Variants in CCDC149 observed in about 807,000 individuals in gnomAD.
CCDC149 encodes the protein coiled-coil domain containing 149, also known as coiled-coil domain-containing protein 149.
CCDC149 carries 45 observed loss-of-function variants against 59.9 expected under a neutral mutation model. The ratio of observed to expected loss-of-function variants is 0.75; its 90% CI spans 0.59 to 0.96. CCDC149 has a LOEUF of 0.96. CCDC149 is among the 40% of genes least tolerant of loss of function. CCDC149 has a pLI of 0.00. For missense variants in CCDC149, 584 were observed against 664.7 expected, an observed-to-expected ratio of 0.88 and a Z score of 1.33; for synonymous variants, 245 against 260.6, an observed-to-expected ratio of 0.94 and a Z score of 0.58.
intron 1 of CCDC149, among the ~76,000 whole-genome samples, chr4:24,945,724 C>T (rs548689736): frequency 2.0e-5 from 3 of 151,536 alleles, no homozygotes; most frequent in African/African-American, 7.3e-5. Flanking sequence ...CAGGTTCAAG[C>T]GATTCTCCTG....
intron 12 of CCDC149, among the ~76,000 whole-genome samples, chr4:24,812,671 G>A (rs1179296068): frequency 6.6e-6 from 1 of 152,198 alleles, no homozygotes; most frequent in Non-Finnish European, 1.5e-5. Flanking sequence ...ACCCAAGACT[G>A]GGTAATTTAT....
Position 24,874,360 on chromosome 4 carries a change from C to CA in CCDC149, c.226-642dup, listed in dbSNP as rs1232592265. 1.3e-4 allele frequency among the ~76,000 whole-genome samples: 19 copies of CA among 146,508 alleles called. No homozygotes were observed. In the Admixed American group the frequency reaches 1.3e-3, roughly 10 times the overall value. ...CTTTGGGAGGCCAAGGTGGGCAGGT[C>CA]ACTTGAGGCCAGGAGTTCAAGACCA... On this transcript the variant is annotated intron_variant, in intron 2 of 12. Transcript: ENST00000635206.
intron 3 of CCDC149, among the ~76,000 whole-genome samples, chr4:24,858,868 A>G (rs1718196823): frequency 1.3e-5 from 2 of 152,172 alleles, no homozygotes; most frequent in Admixed American, 6.5e-5. Flanking sequence ...ATCCTCACCG[A>G]GGTAGGTTAG....
intron 3 of CCDC149, among the ~76,000 whole-genome samples, chr4:24,872,448 C>G (rs188913008): frequency 1.4e-4 from 21 of 152,152 alleles, no homozygotes; most frequent in Non-Finnish European, 1.5e-4. Flanking sequence ...ATGGCATTTA[C>G]CCGCCAAATG....
At chr4:24,871,367 G>A (rs1450660840) in intron 3 of CCDC149, among the ~76,000 whole-genome samples, 1 of 152,154 alleles carries the variant, frequency 6.6e-6, no homozygotes, top group Non-Finnish European at 1.5e-5. Context: ...CAGGATGCTG[G>A]GTTAGCCACG....
chr4:24,978,236 A>G (rs929707586), intron 1 of CCDC149, among the ~76,000 whole-genome samples: 1 of 152,274 alleles, frequency 6.6e-6, no homozygotes, highest in Non-Finnish European at 1.5e-5. Context: ...CTGAGCTGAA[A>G]TGTGCTGTAA....
chr4:24,970,122 T>C (rs558158176), intron 1 of CCDC149, among the ~76,000 whole-genome samples: 1 of 152,296 alleles, frequency 6.6e-6, no homozygotes, highest in East Asian at 1.9e-4. Flanking sequence ...TTAGCCTATA[T>C]TTTGCCTGAG....
downstream of CCDC149, among the ~76,000 whole-genome samples, chr4:24,805,591 A>T (rs577527545): frequency 4.5e-4 from 69 of 152,308 alleles, 1 homozygote; most frequent in African/African-American, 1.6e-3. Flanking sequence ...TTCAGTTCTT[A>T]AGGGTGAATC....
At chr4:24,943,001 C>A (rs1430610781) in intron 1 of CCDC149, among the ~76,000 whole-genome samples, 1 of 151,220 alleles carries the variant, frequency 6.6e-6, no homozygotes, top group East Asian at 1.9e-4. Context: ...CAATGCCATC[C>A]CCATCAAGCT....
At chr4:24,916,563 T>C (rs900951968), upstream of CCDC149, among the ~76,000 whole-genome samples, 6 of 152,154 alleles carry the variant, frequency 3.9e-5, no homozygotes, top group African/African-American at 1.4e-4. Flanking sequence ...CCAGACAGTA[T>C]TTCAGTTCAA....
intron 1 of CCDC149, among the ~76,000 whole-genome samples, chr4:24,904,836 G>A (rs1008173902): frequency 6.6e-6 from 1 of 152,110 alleles, no homozygotes; most frequent in Admixed American, 6.5e-5. Context: ...CTCTTCTTCA[G>A]TGCAGGGTTT....
At chr4:24,912,408 C>A (rs1233011073) in intron 1 of CCDC149, among the ~76,000 whole-genome samples, 1 of 152,152 alleles carries the variant, frequency 6.6e-6, no homozygotes, top group Non-Finnish European at 1.5e-5. Context: ...CAGGTTCCAC[C>A]CCAGGGCTCG....
intron 9 of CCDC149, 126 bp from the exon 10 acceptor site, chr4:24,822,699 T>C (rs1715489017): frequency 3.4e-6 from 2 of 588,600 alleles, no homozygotes; most frequent in Admixed American, 7.2e-5. Context: ...AATGGAGTAT[T>C]TGTATGTATG....
intron 1 of CCDC149, among the ~76,000 whole-genome samples, chr4:24,906,372 T>TGTA (rs200729183): frequency 1.2e-3 from 31 of 25,136 alleles, no homozygotes; most frequent in South Asian, 5.1e-3. Flanking sequence ...CAAATTTTAT[T>TGTA]TTATTTTATT....
chr4:24,887,433 A>G (rs1720251073), intron 1 of CCDC149, among the ~76,000 whole-genome samples: 1 of 152,116 alleles, frequency 6.6e-6, no homozygotes, highest in African/African-American at 2.4e-5. Flanking sequence ...TGATAAACAG[A>G]CATGGCCAAA....
At chr4:24,941,085 G>A (rs1422509126) in intron 1 of CCDC149, among the ~76,000 whole-genome samples, 2 of 152,140 alleles carry the variant, frequency 1.3e-5, no homozygotes, top group African/African-American at 4.8e-5. Context: ...AAAATCAACA[G>A]AATATACATT....
At chr4:24,958,118 G>C (rs1038894594) in intron 1 of CCDC149, among the ~76,000 whole-genome samples, 2 of 152,286 alleles carry the variant, frequency 1.3e-5, no homozygotes, top group Admixed American at 6.5e-5. Context: ...AGCTCTTTAT[G>C]ACTCAATGGC....
chr4:24,923,576 C>G (rs1003949671), intron 1 of CCDC149, among the ~76,000 whole-genome samples: 1 of 152,044 alleles, frequency 6.6e-6, no homozygotes, highest in African/African-American at 2.4e-5. Flanking sequence ...GTTAGGTAGC[C>G]AAGATAGGCT....
intron 9 of CCDC149, chr4:24,827,166 A>G (rs1167943983): frequency 6.6e-6 from 1 of 152,172 alleles, no homozygotes; most frequent in African/African-American, 2.4e-5. Context: ...CTCACACAGG[A>G]ACTGCACTAC....
Sources: allele counts gnomAD v4.1 joint callset (sites outside exome capture counted in the v4.1 genomes callset), GRCh38; gene constraint gnomAD v4.1.1; transcripts MANE v1.5; gene names NCBI Gene and HGNC (gene_info 2026-07-23, HGNC 2026-07-21).